Variants in ANKRD30BL observed in about 807,000 individuals in gnomAD.
ANKRD30BL encodes the protein ankyrin repeat domain 30B like.
In ANKRD30BL, 20 loss-of-function variants were observed where a neutral mutation model predicts 18.4. The observed-to-expected ratio is 1.09, with a 90% confidence interval of 0.77 to 1.58. The LOEUF is 1.58. ANKRD30BL is among the 40% of genes most tolerant of loss of function. The probability of loss-of-function intolerance (pLI) is 0.00; values close to 1 mark genes in which losing one functional copy is unlikely to be tolerated. For synonymous variants in ANKRD30BL, 72 were observed against 100.9 expected (o/e 0.71, Z 1.72); for missense variants, 224 against 268.6 (o/e 0.83, Z 1.16).
In ANKRD30BL at chr2:132,200,815, A is replaced by G. The variant is rs1325186530; in HGVS notation, n.442-43669T>C. On this transcript the variant is annotated intron_variant and non_coding_transcript_variant, in intron 1 of 4. Transcript: ENST00000470729. Reference sequence around the variant, plus strand: ...ACTACTTTAAAGTTCATATGGAACCAAAAAAGAGCCCGCATCGCCAAGTCA... The same window carrying G: ...ACTACTTTAAAGTTCATATGGAACCGAAAAAGAGCCCGCATCGCCAAGTCA... Among the ~76,000 whole-genome samples, 3 of 152,296 alleles carry G rather than the reference A, an allele frequency of 2.0e-5. No homozygotes were observed. The South Asian group carries it at 6.2e-4, about 32-fold the overall frequency.
At chr2:132,257,987 T>C (rs1680921276), upstream of ANKRD30BL, 1 of 152,944 alleles carries the variant, frequency 6.5e-6, no homozygotes, top group Non-Finnish European at 1.5e-5. Context: ...CCCACCGCAA[T>C]AGCTCACACG....
At chr2:132,201,956 G>T (rs1573836325) in intron 1 of ANKRD30BL, among the ~76,000 whole-genome samples, 1 of 152,204 alleles carries the variant, frequency 6.6e-6, no homozygotes, top group African/African-American at 2.4e-5. Flanking sequence ...GGAATACTAT[G>T]CAGCCATAAA....
upstream of ANKRD30BL, among the ~76,000 whole-genome samples, chr2:132,163,495 ATTGT>A (rs1238335071): frequency 1.3e-5 from 2 of 152,022 alleles, no homozygotes; most frequent in African/African-American, 4.8e-5. Flanking sequence ...TTATTGTTTG[ATTGT>A]TTGTGCCGCT....
chr2:132,231,941 C>T (rs1258086535), intron 1 of ANKRD30BL, among the ~76,000 whole-genome samples: 1 of 152,206 alleles, frequency 6.6e-6, no homozygotes, highest in Non-Finnish European at 1.5e-5. Flanking sequence ...CCCTGTCTGA[C>T]AGCTTTGAAG....
chr2:132,160,379 G>A (rs894477899), intron 1 of ANKRD30BL, among the ~76,000 whole-genome samples: 6 of 146,484 alleles, frequency 4.1e-5, no homozygotes, highest in African/African-American at 1.5e-4. Flanking sequence ...GGGACTACAG[G>A]CATGAGCCAC....
chr2:132,254,523 AG>A (rs1339761866), intron 1 of ANKRD30BL, among the ~76,000 whole-genome samples: 1 of 152,164 alleles, frequency 6.6e-6, no homozygotes, highest in Non-Finnish European at 1.5e-5. Flanking sequence ...GTGTGTACAA[AG>A]GGCAGGGACT....
At chr2:132,226,100 C>T (rs542230391) in intron 1 of ANKRD30BL, among the ~76,000 whole-genome samples, 1 of 152,080 alleles carries the variant, frequency 6.6e-6, no homozygotes, top group East Asian at 1.9e-4. Context: ...TATCATAGAG[C>T]AGTTATGAAA....
chr2:132,254,152 G>C (rs547716620), intron 1 of ANKRD30BL, among the ~76,000 whole-genome samples: 1 of 151,310 alleles, frequency 6.6e-6, no homozygotes, highest in Admixed American at 6.6e-5. Context: ...CCCACGACAC[G>C]CACACACGGT....
chr2:132,151,042 T>C (rs1687742262), intron 4 of ANKRD30BL, 66 bp from the exon 5 acceptor site: 1 of 504,164 alleles, frequency 2.0e-6, no homozygotes, highest in South Asian at 2.3e-5. Flanking sequence ...ATTTACCAAA[T>C]TTATTACATT....
At chr2:132,191,559 T>A (rs1662633719) in intron 1 of ANKRD30BL, among the ~76,000 whole-genome samples, 2 of 152,150 alleles carry the variant, frequency 1.3e-5, no homozygotes. Flanking sequence ...ATTTTTTGGA[T>A]CCATTATAGT....
intron 1 of ANKRD30BL, among the ~76,000 whole-genome samples, chr2:132,245,516 C>T (rs570639127): frequency 7.1e-4 from 108 of 152,386 alleles, no homozygotes; most frequent in Admixed American, 2.2e-3. Context: ...CAGAGTTGAA[C>T]ATTCCTTTTC....
At chr2:132,211,873 T>C (rs1033583527) in intron 1 of ANKRD30BL, among the ~76,000 whole-genome samples, 4 of 141,294 alleles carry the variant, frequency 2.8e-5, no homozygotes, top group Admixed American at 2.1e-4. Context: ...GGACATTTAG[T>C]GCGCTTTGTG....
intron 1 of ANKRD30BL, among the ~76,000 whole-genome samples, chr2:132,255,931 C>CG (rs1370037241): frequency 2.6e-5 from 4 of 152,136 alleles, no homozygotes; most frequent in African/African-American, 4.8e-5. Flanking sequence ...CCCGACCCCC[C>CG]GGCCGGGGAC....
At chr2:132,199,473 AAAAT>A (rs1679049201) in intron 1 of ANKRD30BL, among the ~76,000 whole-genome samples, 1 of 152,136 alleles carries the variant, frequency 6.6e-6, no homozygotes, top group Non-Finnish European at 1.5e-5. Flanking sequence ...GAGCAAGTGT[AAAAT>A]AAGTAATTTC....
intron 1 of ANKRD30BL, among the ~76,000 whole-genome samples, chr2:132,201,149 A>G (rs1364753404): frequency 3.9e-5 from 6 of 152,106 alleles, no homozygotes; most frequent in Non-Finnish European, 5.9e-5. Flanking sequence ...TCAATTCAAG[A>G]TGTATTAAAG....
intron 1 of ANKRD30BL, chr2:132,253,136 G>A (rs1680710453): frequency 1.5e-5 from 3 of 204,098 alleles, no homozygotes; most frequent in Admixed American, 5.4e-5. Context: ...GCAACCCTGG[G>A]GGATTTTGAT....
chr2:132,158,930 A>G (rs1173567785), intron 1 of ANKRD30BL, among the ~76,000 whole-genome samples: 1 of 152,010 alleles, frequency 6.6e-6, no homozygotes, highest in Non-Finnish European at 1.5e-5. Context: ...AAATTACGGA[A>G]AGTGAGAAAT....
chr2:132,238,637 A>C (rs1558733328), intron 1 of ANKRD30BL, among the ~76,000 whole-genome samples: 1 of 152,038 alleles, frequency 6.6e-6, no homozygotes, highest in Non-Finnish European at 1.5e-5. Context: ...AACTAGACAG[A>C]AGCATTCTCA....
chr2:132,221,512 T>A (rs1679681941), intron 1 of ANKRD30BL, among the ~76,000 whole-genome samples: 1 of 119,210 alleles, frequency 8.4e-6, no homozygotes, highest in South Asian at 2.9e-4. Flanking sequence ...GGAGCCCCTC[T>A]GCCTGGCCAG....
Sources: allele counts gnomAD v4.1 joint callset (sites outside exome capture counted in the v4.1 genomes callset), GRCh38; gene constraint gnomAD v4.1.1; transcripts MANE v1.5; gene names NCBI Gene and HGNC (gene_info 2026-07-23, HGNC 2026-07-21).